The following PCMTD1 variants were observed in gnomAD, a reference collection of about 807,000 sequenced individuals.
The protein encoded by PCMTD1 is protein-L-isoaspartate (D-aspartate) O-methyltransferase domain containing 1, also known as protein-L-isoaspartate O-methyltransferase domain-containing protein 1.
A neutral mutation model predicts 37.6 loss-of-function variants in PCMTD1; 12 were observed. That is an observed-to-expected ratio of 0.32 (90% CI 0.20 to 0.52). The LOEUF is 0.52. PCMTD1 is among the 20% of genes least tolerant of loss of function. PCMTD1 has a pLI of 0.97. For missense variants in PCMTD1, 235 were observed against 421.3 expected (o/e 0.56, Z 3.87); for synonymous variants, 117 against 135.8 (o/e 0.86, Z 0.96).
intron 1 of PCMTD1, among the ~76,000 whole-genome samples, chr8:51,865,309 C>T (rs1189601036): frequency 6.6e-6 from 1 of 152,072 alleles, no homozygotes; most frequent in East Asian, 1.9e-4. Context: ...GAAGAGAATA[C>T]CTACAAACTC....
chr8:51,885,570 T>C (rs1517304), intron 1 of PCMTD1, among the ~76,000 whole-genome samples: 104,524 of 152,152 alleles, frequency 0.69, 42,390 homozygotes, highest in Non-Finnish European at 0.9. Context: ...ACTTACATGA[T>C]TATTAACACA....
At chr8:51,891,504 C>T (rs2038935223) in intron 1 of PCMTD1, among the ~76,000 whole-genome samples, 1 of 151,632 alleles carries the variant, frequency 6.6e-6, no homozygotes, top group South Asian at 2.1e-4. Context: ...TGCAGTGAGC[C>T]GAGATCGCAC....
intron 4 of PCMTD1, 131 bp downstream of exon 4, chr8:51,833,387 T>C (rs201585696): frequency 2.1e-5 from 1 of 47,814 alleles, no homozygotes; most frequent in Non-Finnish European, 2.3e-4. Flanking sequence ...TCTAAACAAA[T>C]AAGATAAATC....
chr8:51,898,438 C>T (rs908832116), intron 1 of PCMTD1, among the ~76,000 whole-genome samples: 4 of 152,110 alleles, frequency 2.6e-5, no homozygotes, highest in South Asian at 2.1e-4. Flanking sequence ...CCGAGACTTC[C>T]CCGAGTCTAC....
intron 2 of PCMTD1, among the ~76,000 whole-genome samples, chr8:51,858,476 A>G (rs1251211892): frequency 6.6e-6 from 1 of 152,212 alleles, no homozygotes; most frequent in Non-Finnish European, 1.5e-5. Context: ...AATCACAGGG[A>G]GCATGTGAGC....
Position 51,825,972 on chromosome 8 carries a change from T to C in PCMTD1, c.707-5254A>G, listed in dbSNP as rs181689152. Reference sequence around the variant, plus strand: ...ACAGTGTGGCGATTCCTCAAGGATCTAGAACTAGAAATAACATTTGACCCA... The same window carrying C: ...ACAGTGTGGCGATTCCTCAAGGATCCAGAACTAGAAATAACATTTGACCCA... On this transcript the variant is annotated intron_variant, in intron 5 of 5. Coordinates refer to ENST00000522514, the MANE Select transcript of PCMTD1 (RefSeq NM_052937.4). Among the ~76,000 whole-genome samples the C allele has an allele frequency of 2.3e-3, 352 of 152,308 alleles. 1 individual carries two copies. Among genetic ancestry groups the C allele is most frequent in the African/African-American group, 7.7e-3 (320 of 41,566 alleles).
chr8:51,862,262 C>T (rs1437466836), intron 1 of PCMTD1, among the ~76,000 whole-genome samples: 1 of 152,000 alleles, frequency 6.6e-6, no homozygotes, highest in East Asian at 1.9e-4. Context: ...CGCTTGTGTG[C>T]TGATTGTTTT....
intron 2 of PCMTD1, among the ~76,000 whole-genome samples, chr8:51,855,194 CA>C (rs796828311): frequency 2.0e-4 from 18 of 89,882 alleles, no homozygotes; most frequent in African/African-American, 3.7e-4. Context: ...AAAAAACAAA[CA>C]AAAAAAAAAC....
chr8:51,826,179 C>T (rs928976566), intron 5 of PCMTD1, among the ~76,000 whole-genome samples: 3 of 152,164 alleles, frequency 2.0e-5, no homozygotes, highest in African/African-American at 4.8e-5. Context: ...GAATACTATG[C>T]AGCCATAAAA....
intron 3 of PCMTD1, among the ~76,000 whole-genome samples, chr8:51,843,389 T>C (rs549620771): frequency 2.0e-5 from 3 of 152,064 alleles, no homozygotes; most frequent in African/African-American, 7.2e-5. Flanking sequence ...TAAGAATCTG[T>C]TTCAAAAATA....
chr8:51,881,549 A>G (rs2038792457), intron 1 of PCMTD1, among the ~76,000 whole-genome samples: 1 of 152,262 alleles, frequency 6.6e-6, no homozygotes, highest in Admixed American at 6.5e-5. Context: ...ACAGACAGGC[A>G]GAGTGTAGTA....
intron 2 of PCMTD1, among the ~76,000 whole-genome samples, chr8:51,846,198 C>G (rs1371033433): frequency 6.6e-6 from 1 of 152,188 alleles, no homozygotes; most frequent in South Asian, 2.1e-4. Context: ...ATCGCTACCC[C>G]CAGCCAGTAG....
At chr8:51,857,605 G>A (rs1397471102) in intron 2 of PCMTD1, among the ~76,000 whole-genome samples, 1 of 152,084 alleles carries the variant, frequency 6.6e-6, no homozygotes, top group Non-Finnish European at 1.5e-5. Context: ...AGAATGAAAC[G>A]ACAGTACTGA....
chr8:51,899,109 C>A (rs1195036612), upstream of PCMTD1: 2 of 1,450,462 alleles, frequency 1.4e-6, no homozygotes, highest in Non-Finnish European at 1.8e-6. Flanking sequence ...GGGGTCCGGG[C>A]ATGCGCAGAG....
At chr8:51,851,417 TGTC>T (rs2038305641) in intron 2 of PCMTD1, among the ~76,000 whole-genome samples, 1 of 152,228 alleles carries the variant, frequency 6.6e-6, no homozygotes, top group South Asian at 2.1e-4. Flanking sequence ...ATCTCTAAAA[TGTC>T]GAAATATCAA....
At chr8:51,861,347 A>C in intron 1 of PCMTD1, 101 bp from the exon 2 acceptor site, 1 of 854,084 alleles carries the variant, frequency 1.2e-6, no homozygotes, top group Non-Finnish European at 1.7e-6. Context: ...ACCATTTCTC[A>C]TGGAAATATT....
Position 51,820,547 on chromosome 8 carries a change from T to C in PCMTD1, c.878A>G (p.Asn293Ser). 3.1e-6 allele frequency: 5 copies of C among 1,612,514 alleles called. No homozygotes were observed. The highest frequency in any genetic ancestry group is 4.2e-6 in the Non-Finnish European group (5 of 1,179,604). ...GTCTAGAGGCTGAGGAATAAGCTGA[T>C]TACCCACAAATACGTAAGTGTTAAT... ...QRINTYVFVG[N>S]QLIPQPLDSE... Residue 293 changes from asparagine to serine, a missense_variant, in exon 6 of 6, where the codon AAT becomes AGT. Transcript: ENST00000522514.
At chr8:51,891,109 C>T (rs763162003) in intron 1 of PCMTD1, among the ~76,000 whole-genome samples, 26 of 152,122 alleles carry the variant, frequency 1.7e-4, no homozygotes, top group Non-Finnish European at 3.2e-4. Context: ...AATAAATGAG[C>T]TTTTACTTAT....
chr8:51,869,846 T>C (rs1343377006), intron 1 of PCMTD1, among the ~76,000 whole-genome samples: 1 of 152,130 alleles, frequency 6.6e-6, no homozygotes, highest in African/African-American at 2.4e-5. Context: ...CTCTGCTGTG[T>C]GTTAGGTAAG....
Sources: allele counts gnomAD v4.1 joint callset (sites outside exome capture counted in the v4.1 genomes callset), GRCh38; gene constraint gnomAD v4.1.1; transcripts MANE v1.5; gene names NCBI Gene and HGNC (gene_info 2026-07-23, HGNC 2026-07-21).